The following DNAH11 variants were observed in gnomAD, a reference collection of about 807,000 sequenced individuals.
DNAH11 encodes the protein axonemal beta dynein heavy chain 11.
In DNAH11, 442 loss-of-function variants were observed where a neutral mutation model predicts 526.0. The ratio of observed to expected loss-of-function variants is 0.84; its 90% CI spans 0.78 to 0.91. The LOEUF is 0.91. DNAH11 is among the 40% of genes least tolerant of loss of function. The probability of loss-of-function intolerance (pLI) is 0.00; values close to 1 mark genes in which losing one functional copy is unlikely to be tolerated. For synonymous variants in DNAH11, 2,461 were observed against 1,935.9 expected (o/e 1.27, Z -7.12); for missense variants, 6,989 against 5,448.7 (o/e 1.28, Z -8.90).
Position 21,616,212 on chromosome 7 carries a change from A to G in DNAH11, c.4015A>G (p.Ser1339Gly), listed in dbSNP as rs1785775886. ...LWDVIIYVRRSIDNWTKTQWR... is the reference protein window; with the variant it reads ...LWDVIIYVRRGIDNWTKTQWR... ...TTATCTGCTTTTGCGTTTTCAGAGA[A>G]GCATTGATAATTGGACTAAAACCCA... The change falls in exon 22 of 82, where the codon AGC (serine) becomes GGC (glycine). Residue 1339 changes from serine to glycine, a missense_variant. Transcript: ENST00000409508. 2 of 1,613,242 alleles carry G rather than the reference A, an allele frequency of 1.2e-6. No homozygotes were observed. The highest frequency in any genetic ancestry group is 1.7e-6 in the Non-Finnish European group (2 of 1,179,526).
intron 65 of DNAH11, among the ~76,000 whole-genome samples, chr7:21,822,581 C>T (rs1217654756): frequency 1.3e-5 from 2 of 152,138 alleles, no homozygotes; most frequent in Non-Finnish European, 2.9e-5. Context: ...AATATTGCTG[C>T]AGTGAACATG....
chr7:21,767,985 G>A (rs186619548), intron 55 of DNAH11, among the ~76,000 whole-genome samples: 105 of 152,230 alleles, frequency 6.9e-4, no homozygotes, highest in South Asian at 1.9e-3. Context: ...GTGTGTTGGC[G>A]TGTAATTTTC....
At chr7:21,559,523 G>A (rs1361852560) in intron 3 of DNAH11, 80 bp from the exon 4 acceptor site, 2 of 1,128,168 alleles carry the variant, frequency 1.8e-6, no homozygotes, top group African/African-American at 1.6e-5. Context: ...GTTTATGGAT[G>A]CCTAAAATAA....
At chr7:21,757,658 C>T (rs1228870569) in intron 54 of DNAH11, among the ~76,000 whole-genome samples, 4 of 152,178 alleles carry the variant, frequency 2.6e-5, no homozygotes, top group African/African-American at 7.2e-5. Context: ...CCTCTTTGCA[C>T]GTAGAGACAG....
chr7:21,802,005 C>G (rs1789016677), intron 62 of DNAH11, among the ~76,000 whole-genome samples: 1 of 152,124 alleles, frequency 6.6e-6, no homozygotes, highest in African/African-American at 2.4e-5. Flanking sequence ...TTTAACAGTT[C>G]TGGGGAAATC....
At chr7:21,562,940 T>C (rs1053684482) in intron 5 of DNAH11, among the ~76,000 whole-genome samples, 18 of 152,162 alleles carry the variant, frequency 1.2e-4, no homozygotes, top group African/African-American at 3.9e-4. Flanking sequence ...GTTTTTTTTG[T>C]TCTTGACACA....
intron 8 of DNAH11, among the ~76,000 whole-genome samples, chr7:21,580,033 T>C (rs1784252684): frequency 6.6e-6 from 1 of 152,136 alleles, no homozygotes. Context: ...GTAGAGAAGA[T>C]AACAAGTTCA....
chr7:21,637,347 A>G (rs565820825), intron 26 of DNAH11, among the ~76,000 whole-genome samples: 1 of 151,936 alleles, frequency 6.6e-6, no homozygotes, highest in African/African-American at 2.4e-5. Flanking sequence ...TTGATTTAGA[A>G]GAGAAAAATT....
intron 7 of DNAH11, among the ~76,000 whole-genome samples, 155 bp from the exon 8 acceptor site, chr7:21,571,651 T>A: frequency 6.6e-6 from 1 of 152,110 alleles, no homozygotes; most frequent in Non-Finnish European, 1.5e-5. Flanking sequence ...TTTGTTTAAT[T>A]AAATACTTAT....
chr7:21,779,201 C>T (rs752665110), intron 57 of DNAH11, 97 bp downstream of exon 57: 2 of 1,400,960 alleles, frequency 1.4e-6, no homozygotes, highest in Admixed American at 5.0e-5. Flanking sequence ...CTCCAGGGAG[C>T]ATAAAGTCTA....
At chr7:21,829,854 T>G (rs1019530434) in intron 65 of DNAH11, among the ~76,000 whole-genome samples, 2 of 152,256 alleles carry the variant, frequency 1.3e-5, no homozygotes, top group Non-Finnish European at 2.9e-5. Context: ...ATTCTTGTTT[T>G]CAGGAAACTG....
chr7:21,856,803 A>T (rs1182155175), intron 68 of DNAH11, among the ~76,000 whole-genome samples: 1 of 151,982 alleles, frequency 6.6e-6, no homozygotes, highest in Non-Finnish European at 1.5e-5. Context: ...AAACCAACCA[A>T]CTCTCAACTA....
At position 21,659,009 on chromosome 7, in the gene DNAH11, T is replaced by C; in HGVS notation, c.5306T>C (p.Leu1769Pro). The C allele has an allele frequency of 6.2e-7, 1 of 1,600,064 alleles. No individual in the cohort carries two copies. Among genetic ancestry groups the C allele is most frequent in the Non-Finnish European group, 8.5e-7 (1 of 1,174,018 alleles). Residue 1769 changes from leucine to proline, a missense_variant, in exon 30 of 82, where the codon CTG (leucine) becomes CCG (proline). Transcript: ENST00000409508. ...SRLEEGYETALKDFHKKQISQ... is the reference protein window; with the variant it reads ...SRLEEGYETAPKDFHKKQISQ... ...CTGGAAGAAGGCTACGAAACAGCCCTGAAGGATTTCCATAAAAAACAGGTA... is the reference window on the plus strand; with the variant it reads ...CTGGAAGAAGGCTACGAAACAGCCCCGAAGGATTTCCATAAAAAACAGGTA...
intron 68 of DNAH11, among the ~76,000 whole-genome samples, chr7:21,861,552 C>G (rs1351354080): frequency 2.6e-5 from 4 of 152,134 alleles, no homozygotes; most frequent in African/African-American, 9.7e-5. Context: ...TATGTGTATC[C>G]TACCACAATC....
chr7:21,584,927 T>C (rs1784434451), intron 9 of DNAH11, among the ~76,000 whole-genome samples: 1 of 147,584 alleles, frequency 6.8e-6, no homozygotes. Flanking sequence ...ACTAGTTTTC[T>C]TTCTTGCTTT....
At chr7:21,873,990 C>T (rs538382962) in intron 74 of DNAH11, among the ~76,000 whole-genome samples, 135 of 151,874 alleles carry the variant, frequency 8.9e-4, no homozygotes, top group Middle Eastern at 3.4e-3. Context: ...GGGGTTTCAC[C>T]ATGTTGACCA....
intron 65 of DNAH11, among the ~76,000 whole-genome samples, chr7:21,823,299 C>T (rs951428467): frequency 3.3e-5 from 5 of 152,046 alleles, no homozygotes; most frequent in African/African-American, 1.2e-4. Flanking sequence ...TCCTAAGCCT[C>T]ATTTGTTTCC....
chr7:21,784,381 G>A (rs1562543551), intron 57 of DNAH11, 46 bp from the exon 58 acceptor site: 1 of 1,416,018 alleles, frequency 7.1e-7, no homozygotes, highest in Non-Finnish European at 9.9e-7. Context: ...AGAGATATCT[G>A]TGATAATAAT....
chr7:21,550,597 G>T (rs866407699), intron 2 of DNAH11, among the ~76,000 whole-genome samples: 25 of 152,246 alleles, frequency 1.6e-4, no homozygotes, highest in African/African-American at 3.9e-4. Flanking sequence ...CTTTTGGAGA[G>T]TTTGATTCAT....
Sources: allele counts gnomAD v4.1 joint callset (sites outside exome capture counted in the v4.1 genomes callset), GRCh38; gene constraint gnomAD v4.1.1; transcripts MANE v1.5; gene names NCBI Gene and HGNC (gene_info 2026-07-23, HGNC 2026-07-21).